CNTNAP2: variants seen among roughly 807,000 people sequenced by gnomAD.
CNTNAP2 encodes contactin associated protein 2.
Under a neutral mutation model 155.2 loss-of-function variants are expected in CNTNAP2, and 98 were observed. The observed-to-expected ratio is 0.63, with a 90% CI of 0.54 to 0.75. CNTNAP2 has a LOEUF of 0.75. Among genes scored for constraint, CNTNAP2 ranks in the 30% least tolerant of loss-of-function variants. The pLI is 0.00. For synonymous variants in CNTNAP2, 651 were observed against 631.2 expected (o/e 1.03, Z -0.47); for missense variants, 1,727 against 1,688.1 (o/e 1.02, Z -0.40).
chr7:147,179,611 A>C (rs2116496482), intron 8 of CNTNAP2, among the ~76,000 whole-genome samples: 1 of 152,314 alleles, frequency 6.6e-6, no homozygotes, highest in African/African-American at 2.4e-5. Flanking sequence ...ATTCACCAAA[A>C]GGGTAGGTAA....
intron 8 of CNTNAP2, among the ~76,000 whole-genome samples, chr7:147,153,856 A>G (rs1801873242): frequency 6.6e-6 from 1 of 151,212 alleles, no homozygotes; most frequent in African/African-American, 2.5e-5. Context: ...ATAGAAACAG[A>G]GAGTTGCTAA....
chr7:146,966,650 T>C lies in CNTNAP2; in HGVS notation c.403-77257T>C, dbSNP rs75301273. ...CTGTGTTACACAGTATGAGCAAGTATATATGGAGGATGGGGAATGACGAAC... is the reference window on the plus strand; with the variant it reads ...CTGTGTTACACAGTATGAGCAAGTACATATGGAGGATGGGGAATGACGAAC... On this transcript the variant is annotated intron_variant, in intron 3 of 23. Transcript: ENST00000361727. 4.0e-3 allele frequency among the ~76,000 whole-genome samples: 612 copies of C among 152,316 alleles called. 13 individuals carry two copies. In the East Asian group the frequency reaches 0.063, roughly 16 times the overall value.
intron 22 of CNTNAP2, among the ~76,000 whole-genome samples, chr7:148,398,585 A>G (rs1045798527): frequency 1.3e-5 from 2 of 152,218 alleles, no homozygotes; most frequent in African/African-American, 2.4e-5. Flanking sequence ...GAGGGAGAGT[A>G]AAAGGAATCC....
At chr7:148,327,690 G>A (rs954078270) in intron 21 of CNTNAP2, among the ~76,000 whole-genome samples, 1 of 152,154 alleles carries the variant, frequency 6.6e-6, no homozygotes, top group Non-Finnish European at 1.5e-5. Flanking sequence ...TATTATAATA[G>A]ACACTCACTG....
intron 1 of CNTNAP2, among the ~76,000 whole-genome samples, chr7:146,270,721 A>G (rs1035426805): frequency 1.3e-5 from 2 of 152,180 alleles, no homozygotes; most frequent in African/African-American, 4.8e-5. Context: ...GGTCTCTTAA[A>G]AAAGCACATC....
chr7:147,019,475 A>T (rs962107109), intron 3 of CNTNAP2, among the ~76,000 whole-genome samples: 5 of 152,128 alleles, frequency 3.3e-5, no homozygotes, highest in Admixed American at 1.3e-4. Flanking sequence ...AAGGCCCTGC[A>T]TCAGTATCCA....
chr7:147,576,633 C>A (rs1800401101), intron 12 of CNTNAP2, among the ~76,000 whole-genome samples: 1 of 152,108 alleles, frequency 6.6e-6, no homozygotes, highest in African/African-American at 2.4e-5. Flanking sequence ...TAGATTCTTT[C>A]ATCATTTTGA....
intron 11 of CNTNAP2, among the ~76,000 whole-genome samples, chr7:147,549,005 T>A (rs1799797261): frequency 1.3e-5 from 2 of 152,228 alleles, no homozygotes; most frequent in South Asian, 4.1e-4. Flanking sequence ...TTGGTTACTG[T>A]AGCCTTGTAG....
At chr7:147,894,957 CTTTCTTTCTTTTTTTTTTTTTT>C (rs1799753418) in intron 13 of CNTNAP2, among the ~76,000 whole-genome samples, 1 of 62,860 alleles carries the variant, frequency 1.6e-5, no homozygotes, top group African/African-American at 8.8e-5. Flanking sequence ...TTCTTTCTTT[CTTTCTTTCTTTTTTTTTTTTTT>C]TTTTTTTTTG....
Position 147,160,142 on chromosome 7 carries a change from C to T in CNTNAP2, c.1348+27633C>T, listed in dbSNP as rs557364535. Among the ~76,000 whole-genome samples the T allele has an allele frequency of 5.9e-5, 9 of 152,094 alleles. No homozygotes were observed. In the South Asian group the frequency reaches 1.9e-3, roughly 32 times the overall value. The stretch of plus-strand genomic sequence containing the variant: ...GTCAATATCACAAGCAATTGCAAAG[C>T]GAGATAGCTGTTTTCTTAAATGCTA... On this transcript the variant is annotated intron_variant, in intron 8 of 23. Transcript: ENST00000361727.
intron 21 of CNTNAP2, among the ~76,000 whole-genome samples, chr7:148,367,212 A>C (rs937135048): frequency 1.3e-5 from 2 of 151,968 alleles, no homozygotes; most frequent in Non-Finnish European, 2.9e-5. Context: ...GCCTGGTGAC[A>C]GAACAAGACT....
intron 13 of CNTNAP2, among the ~76,000 whole-genome samples, chr7:147,875,361 G>A (rs937351380): frequency 1.2e-4 from 18 of 152,248 alleles, no homozygotes; most frequent in African/African-American, 3.6e-4. Context: ...ATTGTGTACA[G>A]GGGAACTGCC....
rs146676426 is a variant in CNTNAP2 at position 146,284,508 on chromosome 7, T to G, written c.97+167535T>G. Among the ~76,000 whole-genome samples, 507 of 152,302 alleles carry G rather than the reference T, an allele frequency of 3.3e-3. 2 individuals are homozygous for G. The highest frequency in any genetic ancestry group is 0.012 in the African/African-American group (490 of 41,568). On this transcript the variant is annotated intron_variant, in intron 1 of 23. Transcript: ENST00000361727. ...AATAAATAGAACAGCATAATCTGAT[T>G]GCTGATCTTTTGATTTTAAATTCTA...
At chr7:147,551,049 T>A (rs763312717) in intron 11 of CNTNAP2, among the ~76,000 whole-genome samples, 2 of 152,178 alleles carry the variant, frequency 1.3e-5, no homozygotes, top group African/African-American at 2.4e-5. Flanking sequence ...GGTATGGATG[T>A]AGCAAAAATT....
At chr7:146,587,188 G>C (rs1380419559) in intron 1 of CNTNAP2, among the ~76,000 whole-genome samples, 1 of 152,054 alleles carries the variant, frequency 6.6e-6, no homozygotes, top group Non-Finnish European at 1.5e-5. Flanking sequence ...ATATTGCCAG[G>C]CCGTTCCTTT....
At chr7:147,009,548 G>T (rs2129243297) in intron 3 of CNTNAP2, among the ~76,000 whole-genome samples, 1 of 152,184 alleles carries the variant, frequency 6.6e-6, no homozygotes, top group African/African-American at 2.4e-5. Context: ...AGTAGCCAGT[G>T]GACTTTTCAA....
chr7:148,276,003 C>T lies in CNTNAP2; in HGVS notation c.3475+8877C>T, dbSNP rs151040147. On this transcript the variant is annotated intron_variant, in intron 21 of 23. Transcript: ENST00000361727. ...AGTTGCATTCAGAATGGTGGAAAGT[C>T]GGATGTGAAGATGCAAGTGATAAAA... Among the ~76,000 whole-genome samples the T allele has an allele frequency of 8.5e-4, 130 of 152,078 alleles. 1 individual carries two copies. The highest frequency in any genetic ancestry group is 2.9e-3 in the African/African-American group (120 of 41,498).
chr7:147,995,081 G>A (rs1197101895), intron 15 of CNTNAP2, among the ~76,000 whole-genome samples: 1 of 152,110 alleles, frequency 6.6e-6, no homozygotes, highest in Non-Finnish European at 1.5e-5. Context: ...ATTAGTTGTG[G>A]CATCATGTGT....
chr7:147,567,805 G>T, intron 12 of CNTNAP2, among the ~76,000 whole-genome samples: 1 of 152,258 alleles, frequency 6.6e-6, no homozygotes, highest in East Asian at 1.9e-4. Context: ...AAAATCTTTG[G>T]CCGGGCACGG....
Sources: gnomAD v4.1 joint callset for allele counts (sites outside exome capture counted in the v4.1 genomes callset) on GRCh38, gnomAD v4.1.1 for gene constraint, MANE v1.5 for transcripts, NCBI Gene and HGNC (gene_info 2026-07-23, HGNC 2026-07-21) for gene names.